UGT1A5: variants seen among roughly 807,000 people sequenced by gnomAD.
The protein encoded by UGT1A5 is UDP glucuronosyltransferase family 1 member A5, also known as UDP-glucuronosyltransferase 1A5.
A neutral mutation model predicts 40.3 loss-of-function variants in UGT1A5; 29 were observed. That is an observed-to-expected ratio of 0.72 (90% confidence interval 0.54 to 0.98). The LOEUF is 0.98. Among genes scored for constraint, UGT1A5 ranks in the 50% least tolerant of loss-of-function variants. The pLI, the probability that UGT1A5 is intolerant of heterozygous loss-of-function variation, is 0.00. For synonymous variants in UGT1A5, 257 were observed against 262.5 expected (o/e 0.98, Z 0.20); for missense variants, 678 against 677.9 (o/e 1.00, Z 0.00).
At chr2:233,765,130 A>G (rs1448520577) in intron 1 of UGT1A5, among the ~76,000 whole-genome samples, 4 of 152,148 alleles carry the variant, frequency 2.6e-5, no homozygotes, top group Non-Finnish European at 4.4e-5. Context: ...AGGTTTTAGC[A>G]CTGAACATCA....
At chr2:233,752,558 C>A (rs1695002027) in intron 1 of UGT1A5, 1 of 152,132 alleles carries the variant, frequency 6.6e-6, no homozygotes, top group Non-Finnish European at 1.5e-5. Context: ...GCTGGGACAA[C>A]ATAGTGGGTC....
At chr2:233,720,631 A>G (rs2076876608) in intron 1 of UGT1A5, among the ~76,000 whole-genome samples, 1 of 151,986 alleles carries the variant, frequency 6.6e-6, no homozygotes. Context: ...TCATTGAAAT[A>G]GTACTCTGGG....
chr2:233,746,205 C>G (rs547152411), intron 1 of UGT1A5, among the ~76,000 whole-genome samples: 7 of 151,856 alleles, frequency 4.6e-5, no homozygotes, highest in Admixed American at 2.6e-4. Flanking sequence ...TATAGCTATA[C>G]TCTAATAGCA....
chr2:233,743,538 C>T, intron 1 of UGT1A5: 1 of 1,367,252 alleles, frequency 7.3e-7, no homozygotes, highest in Non-Finnish European at 9.8e-7. Flanking sequence ...AGCAGTTCCT[C>T]TGACCCCCCC....
chr2:233,765,202 C>T (rs139573386), intron 1 of UGT1A5, among the ~76,000 whole-genome samples: 1 of 152,246 alleles, frequency 6.6e-6, no homozygotes, highest in Non-Finnish European at 1.5e-5. Flanking sequence ...CATATTAGTG[C>T]CCTCAGTATT....
chr2:233,715,019 G>A (rs1306215776), intron 1 of UGT1A5, among the ~76,000 whole-genome samples: 2 of 152,164 alleles, frequency 1.3e-5, no homozygotes, highest in African/African-American at 4.8e-5. Context: ...TGGAACTACA[G>A]GCGCATGGCA....
chr2:233,743,851 C>A lies in UGT1A5; in HGVS notation c.868-23183C>A, dbSNP rs375874968. The A allele has an allele frequency of 4.4e-6, 6 of 1,367,244 alleles. No individual in the cohort carries two copies. The Admixed American group carries it at 1.1e-4, about 26-fold the overall frequency. The allele number at this position is 1,367,244 out of a possible 1,614,324, so 84.7% of individuals were successfully genotyped here. A position where few individuals can be genotyped will look rare whatever the true frequency, so the allele number is the denominator to read the frequency against. ...GCCACTTGAGCGCCAGCTTGCGGTA[C>A]GCCTTCTTGATGGCCTCGGATGAGG... is the stretch of plus-strand genomic sequence containing the variant. On this transcript the variant is annotated intron_variant, in intron 1 of 4. Transcript: ENST00000373414.
At chr2:233,755,100 G>C (rs920872791) in intron 1 of UGT1A5, 1 of 1,335,078 alleles carries the variant, frequency 7.5e-7, no homozygotes, top group Non-Finnish European at 1.0e-6. Flanking sequence ...CTACGCGTCC[G>C]ACAACACCTC....
chr2:233,760,198 T>A (rs907119126), intron 1 of UGT1A5: 1 of 1,579,636 alleles, frequency 6.3e-7, no homozygotes, highest in South Asian at 1.1e-5. Context: ...CGTGACACAG[T>A]CAAACATTAA....
At chr2:233,719,251 C>A in intron 1 of UGT1A5, 1 of 1,614,174 alleles carries the variant, frequency 6.2e-7, no homozygotes, top group Non-Finnish European at 8.5e-7. Flanking sequence ...CTGAATGCTA[C>A]TTCCTTTGAT....
At chr2:233,742,811 A>G (rs1335727618) in intron 1 of UGT1A5, 2 of 153,508 alleles carry the variant, frequency 1.3e-5, no homozygotes, top group Non-Finnish European at 2.9e-5. Flanking sequence ...AAGTATTGAT[A>G]TTATTTGTAG....
intron 1 of UGT1A5, among the ~76,000 whole-genome samples, chr2:233,764,316 C>G (rs1044416342): frequency 6.6e-6 from 1 of 152,124 alleles, no homozygotes; most frequent in Non-Finnish European, 1.5e-5. Context: ...TTAAGGGAAG[C>G]TTTGCCAAGT....
intron 1 of UGT1A5, among the ~76,000 whole-genome samples, chr2:233,757,562 G>GTATATATATA (rs1491042837): frequency 2.2e-5 from 2 of 90,868 alleles, no homozygotes; most frequent in Admixed American, 1.0e-4. Flanking sequence ...ATATATATAT[G>GTATATATATA]TATATATGAT....
chr2:233,769,634 G>A lies in UGT1A5; in HGVS notation c.1307+1195G>A. 2 of 1,610,964 alleles carry A rather than the reference G, an allele frequency of 1.2e-6. No individual in the cohort carries two copies. The highest frequency in any genetic ancestry group is 1.1e-5 in the South Asian group (1 of 90,734). On this transcript the variant is annotated intron_variant, in intron 4 of 4. Transcript: ENST00000373414. The surrounding 1 kb of genome is among the most constrained non-coding windows in gnomAD (Gnocchi z 4.4). ...CCAGCTTGAGCAAGGGACAACAGGG[G>A]AGGACTGATGACTGACTTCCCACCT...
intron 1 of UGT1A5, among the ~76,000 whole-genome samples, chr2:233,720,298 G>A (rs2076845551): frequency 6.6e-6 from 1 of 152,140 alleles, no homozygotes; most frequent in Admixed American, 6.5e-5. Context: ...CAGGAGTTGG[G>A]GGTCTGGTGT....
At chr2:233,724,280 G>GT (rs2077205183) in intron 1 of UGT1A5, among the ~76,000 whole-genome samples, 4 of 139,636 alleles carry the variant, frequency 2.9e-5, no homozygotes, top group Admixed American at 7.0e-5. Context: ...GGCTGGCCGG[G>GT]CGGGGGGCTG....
rs558234193 is a variant in UGT1A5 at position 233,719,553 on chromosome 2, G to C, written c.867+5695G>C. 7.4e-6 allele frequency: 12 copies of C among 1,613,960 alleles called. No homozygotes were observed. In the South Asian group the frequency reaches 1.2e-4, roughly 16 times the overall value. On this transcript the variant is annotated intron_variant, in intron 1 of 4. Coordinates refer to ENST00000373414, the MANE Select transcript of UGT1A5 (RefSeq NM_019078.2). ...TGAGCTTTTTCAGAGAGAGGTGTCA[G>C]TGGTGGATCTTGTCAGCTATGCATC...
At chr2:233,727,412 AG>A (rs1009370497) in intron 1 of UGT1A5, among the ~76,000 whole-genome samples, 2 of 152,150 alleles carry the variant, frequency 1.3e-5, no homozygotes, top group African/African-American at 2.4e-5. Context: ...GGGCCTCCTC[AG>A]GGTCTGGGAG....
chr2:233,727,033 A>G (rs2077579512), intron 1 of UGT1A5, among the ~76,000 whole-genome samples: 1 of 152,190 alleles, frequency 6.6e-6, no homozygotes, highest in Admixed American at 6.5e-5. Flanking sequence ...ACCCTAAGGA[A>G]TCTTTACCCC....
Sources: gnomAD v4.1 joint callset for allele counts (sites outside exome capture counted in the v4.1 genomes callset) on GRCh38, gnomAD v4.1.1 for gene constraint, Gnocchi (gnomAD v3.1) non-coding constraint, MANE v1.5 for transcripts, NCBI Gene and HGNC (gene_info 2026-07-23, HGNC 2026-07-21) for gene names.